The following TRPM3 variants were observed in gnomAD, a reference collection of about 807,000 sequenced individuals.
TRPM3 encodes the protein transient receptor potential cation channel subfamily M member 3.
In TRPM3, 77 loss-of-function variants were observed where a neutral mutation model predicts 181.2. That is an observed-to-expected ratio of 0.42 (90% CI 0.35 to 0.51). The LOEUF (loss-of-function observed/expected upper bound fraction) is 0.51, where lower values mean the gene tolerates loss of function less well. Ranked by LOEUF, TRPM3 falls within the 20% of genes least tolerant of loss-of-function variation. The pLI, the probability that TRPM3 is intolerant of heterozygous loss-of-function variation, is 0.01. For missense variants in TRPM3, 1,759 were observed against 2,196.7 expected (o/e 0.80, Z 3.98); for synonymous variants, 745 against 796.4 (o/e 0.94, Z 1.09).
In TRPM3 at chr9:71,388,390, G is replaced by T. The variant is rs1036449638; in HGVS notation, c.183+58263C>A. ...AAGATTTAAAATAAAAATGTAAAAA[G>T]TGAGAAGAAAAATTTGCCACAAATC... On this transcript the variant is annotated intron_variant, in intron 1 of 24. Coordinates refer to the TRPM3 transcript ENST00000357533. 2.6e-5 allele frequency among the ~76,000 whole-genome samples: 4 copies of T among 152,082 alleles called. 1 individual carries two copies. In the South Asian group the frequency reaches 8.3e-4, roughly 32 times the overall value.
intron 1 of TRPM3, among the ~76,000 whole-genome samples, chr9:70,908,367 C>G (rs1233727777): frequency 6.6e-6 from 1 of 152,198 alleles, no homozygotes; most frequent in Non-Finnish European, 1.5e-5. Context: ...CTCAGACGGA[C>G]TAGTTGGTTT....
chr9:71,388,440 G>A (rs905170807), intron 1 of TRPM3, among the ~76,000 whole-genome samples: 1 of 152,102 alleles, frequency 6.6e-6, no homozygotes, highest in Admixed American at 6.6e-5. Flanking sequence ...TTCTGAGACG[G>A]AGCCTTAGTG....
At chr9:71,070,520 TA>T (rs1053717008) in intron 1 of TRPM3, among the ~76,000 whole-genome samples, 3 of 151,796 alleles carry the variant, frequency 2.0e-5, no homozygotes, top group East Asian at 1.9e-4. Flanking sequence ...TTTCCTTTTT[TA>T]AAAAAAAATC....
chr9:71,437,663 T>G (rs1052294553), intron 1 of TRPM3, among the ~76,000 whole-genome samples: 2 of 151,120 alleles, frequency 1.3e-5, no homozygotes, highest in Non-Finnish European at 3.0e-5. Context: ...AGGTCAGGAG[T>G]TTGAGACCAG....
intron 1 of TRPM3, among the ~76,000 whole-genome samples, chr9:71,170,462 T>C (rs1272442750): frequency 6.6e-6 from 1 of 152,202 alleles, no homozygotes; most frequent in Non-Finnish European, 1.5e-5. Context: ...TTAAGCTTCA[T>C]TTCTTTTAAA....
intron 9 of TRPM3, among the ~76,000 whole-genome samples, chr9:70,659,293 G>A (rs991111019): frequency 4.3e-4 from 65 of 152,168 alleles, no homozygotes; most frequent in Admixed American, 2.5e-3. Flanking sequence ...CCTTGTACAG[G>A]GTTCCTGACC....
At chr9:71,199,579 A>C (rs1031629931) in intron 1 of TRPM3, among the ~76,000 whole-genome samples, 1 of 152,066 alleles carries the variant, frequency 6.6e-6, no homozygotes, top group Non-Finnish European at 1.5e-5. Flanking sequence ...CAGAGATTCA[A>C]CTTCTTCCTG....
intron 1 of TRPM3, among the ~76,000 whole-genome samples, chr9:71,006,514 A>T (rs2097675452): frequency 1.3e-5 from 2 of 152,166 alleles, no homozygotes; most frequent in South Asian, 4.1e-4. Flanking sequence ...CACTACATGC[A>T]AATGGAAACA....
chr9:71,122,373 G>C (rs1251757641), upstream of TRPM3, among the ~76,000 whole-genome samples: 1 of 152,202 alleles, frequency 6.6e-6, no homozygotes, highest in Non-Finnish European at 1.5e-5. Flanking sequence ...ATTTCACATA[G>C]TAAGTTGGGA....
At chr9:70,679,839 C>A (rs1388135423) in intron 9 of TRPM3, among the ~76,000 whole-genome samples, 1 of 152,086 alleles carries the variant, frequency 6.6e-6, no homozygotes. Context: ...TTGAGAATGG[C>A]AAATATAGGG....
chr9:70,620,350 T>C lies in TRPM3; in HGVS notation c.1855A>G (p.Arg619Gly). The C allele has an allele frequency of 6.2e-7, 1 of 1,611,272 alleles. No homozygotes were observed. Among genetic ancestry groups the C allele is most frequent in the Non-Finnish European group, 8.5e-7 (1 of 1,177,806 alleles). The change falls in exon 16 of 26, where the codon AGG becomes GGG. Residue 619 changes from arginine to glycine, a missense_variant. Physicochemically the swap from Arg to Gly is moderately radical, Grantham distance 125 (BLOSUM62 -2). Around this residue, in one of 8 missense-constraint regions of TRPM3, gnomAD observed 737 missense variants for 957.4 expected, o/e 0.77. Transcript: ENST00000677713. ...TTCTTGGTTGTCTTTCTTCCTCGCC[T>C]CAAGGGAATATCATCCTGTAATTAC... ...LLGMEDDIPL[R>G]RGRKTTKKRE... is the part of the protein sequence containing the mutation.
At chr9:71,264,401 TTTCA>T (rs1341006973) in intron 1 of TRPM3, among the ~76,000 whole-genome samples, 1 of 152,080 alleles carries the variant, frequency 6.6e-6, no homozygotes, top group African/African-American at 2.4e-5. Flanking sequence ...TATACAAAAT[TTTCA>T]TTTATCAATT....
intron 1 of TRPM3, among the ~76,000 whole-genome samples, chr9:71,022,858 G>A (rs1317510569): frequency 6.6e-6 from 1 of 151,840 alleles, no homozygotes; most frequent in African/African-American, 2.4e-5. Flanking sequence ...AAAATAAAAT[G>A]GATTACAGAT....
At chr9:70,779,217 A>T (rs1489122355) in intron 7 of TRPM3, among the ~76,000 whole-genome samples, 1 of 152,144 alleles carries the variant, frequency 6.6e-6, no homozygotes, top group African/African-American at 2.4e-5. Context: ...GACACACAAA[A>T]ACGTGAACAG....
At chr9:71,181,427 A>C (rs1443648508) in intron 1 of TRPM3, among the ~76,000 whole-genome samples, 1 of 151,888 alleles carries the variant, frequency 6.6e-6, no homozygotes, top group Non-Finnish European at 1.5e-5. Flanking sequence ...GATGATAAAC[A>C]AAACAATAAT....
At chr9:70,982,575 C>G (rs1018260552) in intron 1 of TRPM3, among the ~76,000 whole-genome samples, 1 of 152,214 alleles carries the variant, frequency 6.6e-6, no homozygotes, top group Admixed American at 6.5e-5. Context: ...TTCCTGTCAA[C>G]GTTTAAATAT....
At chr9:70,943,430 C>T (rs1360345313) in intron 1 of TRPM3, among the ~76,000 whole-genome samples, 3 of 152,160 alleles carry the variant, frequency 2.0e-5, no homozygotes, top group Admixed American at 6.5e-5. Flanking sequence ...CCTATATATG[C>T]CCTCACTTTT....
chr9:71,393,907 AT>A (rs1217457142), intron 1 of TRPM3, among the ~76,000 whole-genome samples: 2 of 152,200 alleles, frequency 1.3e-5, no homozygotes, highest in Non-Finnish European at 2.9e-5. Flanking sequence ...GTACTGAAAA[AT>A]TGGAATTCAT....
At chr9:71,405,483 A>T (rs79122056) in intron 1 of TRPM3, among the ~76,000 whole-genome samples, 5,235 of 152,230 alleles carry the variant, frequency 0.034, 178 homozygotes, top group African/African-American at 0.093. Flanking sequence ...CAAAATCTTA[A>T]CCTGAAATTT....
Sources: allele counts gnomAD v4.1 joint callset (sites outside exome capture counted in the v4.1 genomes callset), GRCh38; gene constraint gnomAD v4.1.1; regional missense constraint gnomAD v4.1.1; transcripts MANE v1.5; gene names NCBI Gene and HGNC (gene_info 2026-07-23, HGNC 2026-07-21).